Variants in BMP6 observed in about 807,000 individuals in gnomAD.
BMP6 encodes the protein VG-1-R.
A neutral mutation model predicts 54.1 loss-of-function variants in BMP6; 17 were observed. That is an observed-to-expected ratio of 0.31 (90% CI 0.22 to 0.47). The LOEUF is 0.47. Among genes scored for constraint, BMP6 ranks in the 20% least tolerant of loss-of-function variants. The pLI is 1.00. For missense variants in BMP6, 720 were observed against 690.4 expected, an observed-to-expected ratio of 1.04 and a Z score of -0.48; for synonymous variants, 328 against 291.2, an observed-to-expected ratio of 1.13 and a Z score of -1.28.
chr6:7,776,129 G>C (rs897659025), intron 1 of BMP6, among the ~76,000 whole-genome samples: 1 of 152,164 alleles, frequency 6.6e-6, no homozygotes, highest in African/African-American at 2.4e-5. Flanking sequence ...TGCAGCACTT[G>C]GAAATTGTTT....
At chr6:7,751,976 C>T (rs1757432189) in intron 1 of BMP6, among the ~76,000 whole-genome samples, 2 of 152,334 alleles carry the variant, frequency 1.3e-5, no homozygotes, top group East Asian at 1.9e-4. Flanking sequence ...TTAAACGCTT[C>T]CAGCTACAGG....
intron 2 of BMP6, among the ~76,000 whole-genome samples, chr6:7,855,431 A>C (rs1759210403): frequency 6.6e-6 from 1 of 151,914 alleles, no homozygotes; most frequent in African/African-American, 2.4e-5. Context: ...ACACTTGAGA[A>C]CCACTGATAA....
intron 4 of BMP6, among the ~76,000 whole-genome samples, chr6:7,865,487 C>G (rs982558215): frequency 1.4e-4 from 22 of 152,270 alleles, no homozygotes; most frequent in African/African-American, 5.1e-4. Flanking sequence ...TGAAGCGCTT[C>G]TTTATATTTT....
intron 2 of BMP6, among the ~76,000 whole-genome samples, chr6:7,855,768 A>T (rs1354427989): frequency 6.6e-6 from 1 of 151,620 alleles, no homozygotes; most frequent in Non-Finnish European, 1.5e-5. Context: ...GGCTCAAGTG[A>T]TCTACCTGCC....
chr6:7,864,461 A>G (rs548357367), intron 4 of BMP6, among the ~76,000 whole-genome samples: 1 of 152,310 alleles, frequency 6.6e-6, no homozygotes, highest in South Asian at 2.1e-4. Flanking sequence ...TTCTCAGGGC[A>G]TATGTTGGGA....
At chr6:7,854,447 A>AAT (rs1429411006) in intron 2 of BMP6, among the ~76,000 whole-genome samples, 1 of 152,206 alleles carries the variant, frequency 6.6e-6, no homozygotes, top group Non-Finnish European at 1.5e-5. Flanking sequence ...GGAATGTGGA[A>AAT]ATGTAGGGTT....
intron 1 of BMP6, among the ~76,000 whole-genome samples, chr6:7,767,273 G>A (rs896993203): frequency 1.1e-4 from 16 of 151,964 alleles, no homozygotes; most frequent in African/African-American, 2.9e-4. Flanking sequence ...AGCGCCTGGC[G>A]GAATAGTATA....
At chr6:7,773,553 G>A (rs190506516) in intron 1 of BMP6, among the ~76,000 whole-genome samples, 215 of 152,280 alleles carry the variant, frequency 1.4e-3, no homozygotes, top group Middle Eastern at 3.4e-3. Context: ...ATATGCAAAT[G>A]ACTCATACAA....
At chr6:7,878,109 G>C (rs1211046519) in intron 4 of BMP6, among the ~76,000 whole-genome samples, 1 of 152,048 alleles carries the variant, frequency 6.6e-6, no homozygotes, top group African/African-American at 2.4e-5. Flanking sequence ...CTCCCACTCT[G>C]AACTGTCCCT....
intron 1 of BMP6, among the ~76,000 whole-genome samples, chr6:7,780,048 T>G (rs1174496045): frequency 1.3e-5 from 2 of 152,202 alleles, no homozygotes; most frequent in African/African-American, 4.8e-5. Context: ...GTGTTTGAGT[T>G]AAGTAGGCTC....
chr6:7,814,463 G>C (rs1758492652), intron 1 of BMP6, among the ~76,000 whole-genome samples: 2 of 152,190 alleles, frequency 1.3e-5, no homozygotes. Context: ...GTTGTTTGCA[G>C]ACTTTTGCTG....
At chr6:7,834,910 A>G (rs1330224241) in intron 1 of BMP6, among the ~76,000 whole-genome samples, 1 of 152,226 alleles carries the variant, frequency 6.6e-6, no homozygotes, top group Non-Finnish European at 1.5e-5. Context: ...CAGAGAGGCC[A>G]TAATTGATGA....
intron 1 of BMP6, among the ~76,000 whole-genome samples, chr6:7,758,789 T>C (rs1305879177): frequency 6.6e-6 from 1 of 152,104 alleles, no homozygotes; most frequent in Non-Finnish European, 1.5e-5. Flanking sequence ...CCCTTCACCC[T>C]CTCTCCACCC....
At chr6:7,825,919 ACT>A (rs1055935486) in intron 1 of BMP6, among the ~76,000 whole-genome samples, 4 of 152,142 alleles carry the variant, frequency 2.6e-5, no homozygotes, top group African/African-American at 7.2e-5. Context: ...GCAGGGACAC[ACT>A]ACAGCAAAAT....
chr6:7,802,098 C>T (rs1437831541), intron 1 of BMP6, among the ~76,000 whole-genome samples: 1 of 152,152 alleles, frequency 6.6e-6, no homozygotes, highest in Admixed American at 6.5e-5. Context: ...TGGTGGAATG[C>T]TCAAGAGAAA....
intron 4 of BMP6, among the ~76,000 whole-genome samples, chr6:7,873,509 T>A (rs75976763): frequency 0.012 from 1,829 of 151,722 alleles, 38 homozygotes; most frequent in African/African-American, 0.04. Flanking sequence ...GTGTCTGGAG[T>A]TTTTATGTGG....
chr6:7,736,736 C>A (rs555066853), intron 1 of BMP6, among the ~76,000 whole-genome samples: 1 of 152,262 alleles, frequency 6.6e-6, no homozygotes, highest in Admixed American at 6.5e-5. Flanking sequence ...TGTGTTTATT[C>A]CTTTACAAAT....
At position 7,875,487 on chromosome 6, in the gene BMP6, C is replaced by T. The variant is rs752813510; in HGVS notation, c.1205-3587C>T. Among the ~76,000 whole-genome samples, 18 of 152,152 alleles carry T rather than the reference C, an allele frequency of 1.2e-4. 1 individual carries two copies. Among genetic ancestry groups the T allele is most frequent in the African/African-American group, 3.1e-4 (13 of 41,520 alleles). On this transcript the variant is annotated intron_variant, in intron 4 of 6. Transcript: ENST00000283147. ...GAGGCTAGGAGTTCAAGACCAGCCT[C>T]GGCAACATAGCAAGTCCCCATCTCT... is the stretch of plus-strand genomic sequence containing the variant.
chr6:7,879,175 A>G, intron 5 of BMP6, 25 bp downstream of exon 5: 1 of 1,594,314 alleles, frequency 6.3e-7, no homozygotes, highest in Non-Finnish European at 8.6e-7. Flanking sequence ...CACGGGGGAT[A>G]AAGGTCCTTT....
Sources: allele counts gnomAD v4.1 joint callset (sites outside exome capture counted in the v4.1 genomes callset), GRCh38; gene constraint gnomAD v4.1.1; transcripts MANE v1.5; gene names NCBI Gene and HGNC (gene_info 2026-07-23, HGNC 2026-07-21).